The following DDX52 variants were observed in gnomAD, a reference collection of about 807,000 sequenced individuals.
The protein encoded by DDX52 is probable ATP-dependent RNA helicase DDX52.
A neutral mutation model predicts 76.1 loss-of-function variants in DDX52; 59 were observed. The ratio of observed to expected loss-of-function variants is 0.78; its 90% confidence interval spans 0.63 to 0.96. DDX52 has a LOEUF of 0.96. Ranked by LOEUF, DDX52 falls within the 40% of genes least tolerant of loss-of-function variation. DDX52 has a pLI of 0.00. For missense variants in DDX52, 707 were observed against 703.9 expected (o/e 1.00, Z -0.05); for synonymous variants, 231 against 244.1 (o/e 0.95, Z 0.50).
chr17:37,632,758 T>C (rs2030741839), intron 3 of DDX52, among the ~76,000 whole-genome samples: 1 of 152,186 alleles, frequency 6.6e-6, no homozygotes, highest in Non-Finnish European at 1.5e-5. Flanking sequence ...TACTGAAGCA[T>C]TGCCATAGTA....
At chr17:37,622,650 C>A (rs2030164788) in intron 9 of DDX52, among the ~76,000 whole-genome samples, 2 of 152,218 alleles carry the variant, frequency 1.3e-5, no homozygotes, top group African/African-American at 2.4e-5. Flanking sequence ...CTAATGAAAG[C>A]TAAGAAACTT....
At chr17:37,618,958 C>T (rs984075590) in intron 13 of DDX52, among the ~76,000 whole-genome samples, 24 of 152,330 alleles carry the variant, frequency 1.6e-4, no homozygotes, top group African/African-American at 5.1e-4. Context: ...AACCTTATAT[C>T]CTGTGTCAAC....
Position 37,621,122 on chromosome 17 carries a change from C to A in DDX52, c.1501+5G>T. The A allele has an allele frequency of 6.3e-7, 1 of 1,599,382 alleles. No homozygotes were observed. The highest frequency in any genetic ancestry group is 8.5e-7 in the Non-Finnish European group (1 of 1,174,460). On this transcript the variant is annotated splice_donor_5th_base_variant and intron_variant, in intron 11 of 14. Coordinates refer to ENST00000617633, the MANE Select transcript of DDX52 (RefSeq NM_007010.5). ...CAGAGGGGAAGGAAAAAAAAGACAACTCACCTATCCTGTGGATATATTCCA... is the reference window on the plus strand; with the variant it reads ...CAGAGGGGAAGGAAAAAAAAGACAAATCACCTATCCTGTGGATATATTCCA...
Position 37,638,033 on chromosome 17 carries a change from T to C in DDX52, c.286+4077A>G, listed in dbSNP as rs114926482. Among the ~76,000 whole-genome samples the C allele has an allele frequency of 2.5e-3, 383 of 152,320 alleles. 2 individuals carry two copies. The highest frequency in any genetic ancestry group is 8.9e-3 in the African/African-American group (370 of 41,570). ...GTCCTAAAGCATTTCTTTGAAGAAC[T>C]GTAACAGAAGATGAAACATGGTTTT... On this transcript the variant is annotated intron_variant, in intron 2 of 14. Coordinates refer to ENST00000617633, the MANE Select transcript of DDX52 (RefSeq NM_007010.5).
chr17:37,635,308 A>G (rs572709517), intron 2 of DDX52, among the ~76,000 whole-genome samples: 14 of 152,286 alleles, frequency 9.2e-5, no homozygotes, highest in African/African-American at 3.4e-4. Flanking sequence ...ACACCCAAAA[A>G]ACTATCACCA....
intron 2 of DDX52, among the ~76,000 whole-genome samples, chr17:37,638,620 C>A (rs1220983049): frequency 6.6e-6 from 1 of 152,122 alleles, no homozygotes; most frequent in South Asian, 2.1e-4. Flanking sequence ...GGTATTAAGA[C>A]AATTATGTTA....
Position 37,610,457 on chromosome 17 carries a change from T to C in DDX52, c.*3839A>G, listed in dbSNP as rs1426684781. The C allele has an allele frequency of 6.6e-6, 1 of 152,060 alleles. No individual in the cohort carries two copies. Among genetic ancestry groups the C allele is most frequent in the Non-Finnish European group, 1.5e-5 (1 of 68,014 alleles). The allele number at this position is 152,060 out of a possible 1,614,324, so 9.4% of individuals were successfully genotyped here. A position where few individuals can be genotyped will look rare whatever the true frequency, so the allele number is the denominator to read the frequency against. On this transcript the variant is annotated 3_prime_UTR_variant, in exon 15 of 15. Coordinates refer to ENST00000617633, the MANE Select transcript of DDX52 (RefSeq NM_007010.5). ...TTTTTTTTTCTTTTAATCAAACTAC[T>C]GTCTGGAAGTAAAACATGAAAGTTG...
intron 2 of DDX52, chr17:37,639,391 A>C: frequency 2.0e-6 from 2 of 988,694 alleles, no homozygotes; most frequent in Non-Finnish European, 2.4e-6. Context: ...GTTGGTACTA[A>C]ATGACCCAAA....
chr17:37,626,902 T>C, intron 6 of DDX52, 42 bp from the exon 7 acceptor site: 1 of 1,547,586 alleles, frequency 6.5e-7, no homozygotes, highest in Non-Finnish European at 8.9e-7. Flanking sequence ...AAACAGGATT[T>C]ATCCCTCTTG....
chr17:37,631,799 G>T, intron 4 of DDX52: 1 of 356,364 alleles, frequency 2.8e-6, no homozygotes, highest in Non-Finnish European at 5.1e-6. Flanking sequence ...AAATGAAAAA[G>T]ATAAATATGA....
intron 14 of DDX52, 26 bp from the exon 15 acceptor site, chr17:37,614,379 T>C (rs1305831322): frequency 1.2e-6 from 2 of 1,600,506 alleles, no homozygotes; most frequent in African/African-American, 1.4e-5. Flanking sequence ...TAAGAAAAAT[T>C]GAATAAAAAA....
intron 9 of DDX52, 78 bp downstream of exon 9, chr17:37,624,266 A>G: frequency 9.7e-7 from 1 of 1,034,596 alleles, no homozygotes; most frequent in Admixed American, 2.0e-5. Flanking sequence ...ATACAGTGCT[A>G]CCACTGTAAT....
intron 2 of DDX52, chr17:37,635,616 C>T (rs1238323626): frequency 2.2e-6 from 1 of 455,718 alleles, no homozygotes. Flanking sequence ...TGATGAGGGA[C>T]ATTTGGGTCA....
chr17:37,624,341 T>C lies in DDX52; in HGVS notation c.1227+3A>G. On this transcript the variant is annotated splice_donor_region_variant and intron_variant, in intron 9 of 14. Transcript: ENST00000617633. ...AAAATTCAAGAAGGTAATACAAATA[T>C]ACCTTTTTAACAAGTTCTCTCACGG... 1.2e-6 allele frequency: 2 copies of C among 1,603,624 alleles called. No homozygotes were observed. The highest frequency in any genetic ancestry group is 1.7e-6 in the Non-Finnish European group (2 of 1,174,170).
intron 9 of DDX52, among the ~76,000 whole-genome samples, chr17:37,622,541 G>A (rs946248873): frequency 9.2e-5 from 14 of 152,002 alleles, no homozygotes; most frequent in African/African-American, 2.2e-4. Context: ...TGATCCGCCC[G>A]CTTCGGCCTC....
intron 14 of DDX52, 133 bp from the exon 15 acceptor site, chr17:37,614,486 A>C (rs1057041945): frequency 1.2e-6 from 1 of 801,134 alleles, no homozygotes; most frequent in Non-Finnish European, 1.9e-6. Context: ...AGGAACACAA[A>C]GATGCATTAG....
chr17:37,632,010 A>G (rs922200439), intron 4 of DDX52, 103 bp downstream of exon 4: 2 of 1,511,764 alleles, frequency 1.3e-6, no homozygotes, highest in Non-Finnish European at 1.8e-6. Context: ...GGATTTTAAC[A>G]GGGGAGATAA....
In DDX52 at chr17:37,619,833, AGCAAC is replaced by A; in HGVS notation, c.1579_1583del (p.Val527Ter). On this transcript the variant is annotated frameshift_variant and splice_region_variant, in exon 13 of 15. Coordinates refer to ENST00000617633, the MANE Select transcript of DDX52 (RefSeq NM_007010.5). LOFTEE classifies it high-confidence loss of function. Reference sequence around the variant, plus strand: ...GACACCCAGCCTGCTGTATAACATTAGCAACGCTGAAAAAGAAACCCATAAACATA... The same window carrying A: ...GACACCCAGCCTGCTGTATAACATTAGCTGAAAAAGAAACCCATAAACATA... The A allele has an allele frequency of 6.2e-7, 1 of 1,612,484 alleles. No individual in the cohort carries two copies. The highest frequency in any genetic ancestry group is 1.3e-5 in the African/African-American group (1 of 74,830).
In DDX52 at chr17:37,619,793, T is replaced by C. The variant is rs1051511463; in HGVS notation, c.1624A>G (p.Ile542Val). ...QQAGCPVPEY[I>V]KGFQKLLSKQ... ...CTTAGTAGTTTCTGAAAACCTTTTA[T>C]GTATTCTGGTACAGGACACCCAGCC... Residue 542 changes from isoleucine (I) to valine (V), a missense_variant, in exon 13 of 15, where the codon ATA becomes GTA. By Grantham distance (29) the Ile-to-Val change is conservative (BLOSUM62 3). Transcript: ENST00000617633. The C allele has an allele frequency of 3.7e-6, 6 of 1,613,816 alleles. No individual in the cohort carries two copies. The African/African-American group carries it at 5.3e-5, about 14-fold the overall frequency.
Sources: gnomAD v4.1 joint callset for allele counts (sites outside exome capture counted in the v4.1 genomes callset) on GRCh38, gnomAD v4.1.1 for gene constraint, MANE v1.5 for transcripts, NCBI Gene and HGNC (gene_info 2026-07-23, HGNC 2026-07-21) for gene names.